The following LIMK1 variants were observed in gnomAD, a reference collection of about 807,000 sequenced individuals.
The protein encoded by LIMK1 is LIM domain kinase 1, also known as LIM motif-containing protein kinase.
Under a neutral mutation model 77.6 loss-of-function variants are expected in LIMK1, and 21 were observed. The observed-to-expected ratio is 0.27, with a 90% CI of 0.19 to 0.39. The LOEUF (loss-of-function observed/expected upper bound fraction) is 0.39, where lower values mean the gene tolerates loss of function less well. Among genes scored for constraint, LIMK1 ranks in the 10% least tolerant of loss-of-function variants. The pLI is 1.00. For missense variants in LIMK1, 696 were observed against 901.6 expected, an observed-to-expected ratio of 0.77 and a Z score of 2.92; for synonymous variants, 358 against 370.0, an observed-to-expected ratio of 0.97 and a Z score of 0.37.
chr7:74,093,189 GCTGGTC>G (rs1205287444), intron 2 of LIMK1: 2 of 1,528,970 alleles, frequency 1.3e-6, no homozygotes, highest in African/African-American at 1.4e-5. Context: ...TGGGGAAGCA[GCTGGTC>G]TGGCCACCCC....
intron 5 of LIMK1, among the ~76,000 whole-genome samples, chr7:74,103,445 G>C (rs574935055): frequency 5.9e-5 from 9 of 152,004 alleles, no homozygotes; most frequent in Non-Finnish European, 1.3e-4. Context: ...CTGCAGGTTT[G>C]GCCTGATACT....
chr7:74,116,077 G>C, intron 13 of LIMK1, 119 bp downstream of exon 13: 1 of 1,049,840 alleles, frequency 9.5e-7, no homozygotes, highest in South Asian at 1.6e-5. Context: ...CAGTTACCCT[G>C]TGGGTCCTGT....
At chr7:74,107,752 G>A in intron 8 of LIMK1, 119 bp from the exon 9 acceptor site, 1 of 721,920 alleles carries the variant, frequency 1.4e-6, no homozygotes, top group Non-Finnish European at 2.5e-6. Context: ...CCCATGCACA[G>A]CCTAGAGTAT....
chr7:74,107,954 G>A lies in LIMK1; in HGVS notation c.1149G>A (p.Lys383=), dbSNP rs782325565. Residue 383 remains lysine (K), a synonymous_variant, in exon 9 of 16, where the codon AAG becomes AAA. Coordinates refer to ENST00000336180, the MANE Select transcript of LIMK1 (RefSeq NM_002314.4). ...FDEETQRTFL[K]EVKVMRCLEH... ...AGGAGACCCAGAGGACGTTCCTCAA[G>A]GAGGTCAGTGAGCGGAATGCCCTCT... 8.3e-6 allele frequency: 13 copies of A among 1,560,882 alleles called. No individual in the cohort carries two copies. Among genetic ancestry groups the A allele is most frequent in the African/African-American group, 1.4e-5 (1 of 73,670 alleles).
At chr7:74,090,292 T>C (rs1584106699) in intron 2 of LIMK1, among the ~76,000 whole-genome samples, 1 of 152,042 alleles carries the variant, frequency 6.6e-6, no homozygotes, top group East Asian at 1.9e-4. Flanking sequence ...GAAGAATCGC[T>C]TGAACCCGAG....
intron 13 of LIMK1, among the ~76,000 whole-genome samples, chr7:74,116,588 T>G (rs1554699522): frequency 6.6e-6 from 1 of 152,022 alleles, no homozygotes; most frequent in Non-Finnish European, 1.5e-5. Flanking sequence ...GGAGGCTTCC[T>G]CATTCCTCCT....
intron 2 of LIMK1, among the ~76,000 whole-genome samples, chr7:74,086,642 G>A (rs1799142574): frequency 1.3e-5 from 2 of 152,120 alleles, no homozygotes; most frequent in African/African-American, 2.4e-5. Flanking sequence ...GCTTACAGGC[G>A]TGAGCTAACG....
intron 9 of LIMK1, among the ~76,000 whole-genome samples, 165 bp downstream of exon 9, chr7:74,108,122 A>T (rs560594813): frequency 6.7e-6 from 1 of 149,414 alleles, no homozygotes; most frequent in East Asian, 2.0e-4. Flanking sequence ...GAGGTTAAGG[A>T]GAGAGGATAC....
chr7:74,089,046 A>G lies in LIMK1; in HGVS notation c.152+3202A>G, dbSNP rs141834536. 2.4e-3 allele frequency among the ~76,000 whole-genome samples: 360 copies of G among 152,320 alleles called. 1 individual carries two copies. Among genetic ancestry groups the G allele is most frequent in the East Asian group, 0.02 (105 of 5,178 alleles). ...GTATTTGTCATATTGGCTACCATGCATTGAGCACTCTTCATGCTAATTTGT... is the reference window on the plus strand; with the variant it reads ...GTATTTGTCATATTGGCTACCATGCGTTGAGCACTCTTCATGCTAATTTGT... On this transcript the variant is annotated intron_variant, in intron 2 of 15. Transcript: ENST00000336180.
intron 5 of LIMK1, among the ~76,000 whole-genome samples, chr7:74,104,805 A>G (rs1584119737): frequency 1.3e-5 from 2 of 152,140 alleles, no homozygotes; most frequent in Admixed American, 6.6e-5. Flanking sequence ...CCCTCCTGCC[A>G]ATGCAGGAGC....
At position 74,107,918 on chromosome 7, in the gene LIMK1, C is replaced by G; in HGVS notation, c.1113C>G (p.Ile371Met). The G allele has an allele frequency of 6.3e-7, 1 of 1,577,896 alleles. No homozygotes were observed. The change falls in exon 9 of 16, where the codon ATC becomes ATG. Residue 371 changes from isoleucine (I) to methionine (M), a missense_variant. By Grantham distance (10) the Ile-to-Met change is conservative. Coordinates refer to ENST00000336180, the MANE Select transcript of LIMK1 (RefSeq NM_002314.4). ...TGEVMVMKEL[I>M]RFDEETQRTF... The stretch of plus-strand genomic sequence containing the variant: ...AGGTGATGGTGATGAAGGAGCTGAT[C>G]CGGTTCGACGAGGAGACCCAGAGGA...
chr7:74,089,571 C>G (rs1442914863), intron 2 of LIMK1, among the ~76,000 whole-genome samples: 2 of 152,248 alleles, frequency 1.3e-5, no homozygotes, highest in East Asian at 1.9e-4. Flanking sequence ...TGGCGAATGG[C>G]AGGGTGGAAC....
At chr7:74,096,791 G>A in intron 3 of LIMK1, 31 bp downstream of exon 3, 1 of 1,556,430 alleles carries the variant, frequency 6.4e-7, no homozygotes. Flanking sequence ...ACACTCACCT[G>A]GGGTGGGGGT....
chr7:74,103,249 C>CTTTT (rs1233300842), intron 5 of LIMK1, among the ~76,000 whole-genome samples: 1 of 135,392 alleles, frequency 7.4e-6, no homozygotes, highest in Non-Finnish European at 1.6e-5. Flanking sequence ...AATGTTTTTC[C>CTTTT]TTTTTTTTTT....
At chr7:74,093,801 G>T (rs782067536) in intron 2 of LIMK1, among the ~76,000 whole-genome samples, 1 of 152,170 alleles carries the variant, frequency 6.6e-6, no homozygotes, top group East Asian at 1.9e-4. Flanking sequence ...AGTACCTGGC[G>T]CACCTCCCTT....
At chr7:74,104,957 C>G (rs1554697105) in intron 5 of LIMK1, among the ~76,000 whole-genome samples, 6 of 152,144 alleles carry the variant, frequency 3.9e-5, no homozygotes. Context: ...GTCTGTAATC[C>G]TAGCACTTTG....
At position 74,111,309 on chromosome 7, in the gene LIMK1, A is replaced by G. The variant is rs1554698593; in HGVS notation, c.1285-339A>G. The G allele has an allele frequency of 1.8e-5, 5 of 281,936 alleles. No homozygotes were observed. In the East Asian group the frequency reaches 2.9e-4, roughly 16 times the overall value. 17.5% of individuals were successfully genotyped at this position (281,936 alleles called of 1,614,324 possible). A position where few individuals can be genotyped will look rare whatever the true frequency, so the allele number is the denominator to read the frequency against. Reference sequence around the variant, plus strand: ...AAAAATTAGCTGGGTGTGGTGGCGCATGCCCATAGTCCCAGCTACTCAGGA... The same window carrying G: ...AAAAATTAGCTGGGTGTGGTGGCGCGTGCCCATAGTCCCAGCTACTCAGGA... On this transcript the variant is annotated intron_variant, in intron 10 of 15. Coordinates refer to ENST00000336180, the MANE Select transcript of LIMK1 (RefSeq NM_002314.4).
intron 2 of LIMK1, among the ~76,000 whole-genome samples, chr7:74,086,109 G>A (rs892328120): frequency 1.3e-4 from 20 of 151,842 alleles, no homozygotes; most frequent in Admixed American, 2.0e-4. Flanking sequence ...ACAGTGGTGC[G>A]ATCTTGGCTC....
intron 12 of LIMK1, among the ~76,000 whole-genome samples, chr7:74,113,502 G>C (rs925309850): frequency 4.1e-4 from 62 of 152,056 alleles, no homozygotes; most frequent in Non-Finnish European, 1.9e-4. Flanking sequence ...GCGCATGCCT[G>C]TAATCCCAGC....
Sources: gnomAD v4.1 joint callset for allele counts (sites outside exome capture counted in the v4.1 genomes callset) on GRCh38, gnomAD v4.1.1 for gene constraint, MANE v1.5 for transcripts, NCBI Gene and HGNC (gene_info 2026-07-23, HGNC 2026-07-21) for gene names.